NTN1: variants seen among roughly 807,000 people sequenced by gnomAD.
NTN1 encodes netrin 1.
NTN1 carries 11 observed loss-of-function variants against 54.2 expected under a neutral mutation model. That is an observed-to-expected ratio of 0.20 (90% CI 0.13 to 0.34). The LOEUF (loss-of-function observed/expected upper bound fraction) is 0.34, where lower values mean the gene tolerates loss of function less well. NTN1 is among the 10% of genes least tolerant of loss of function. NTN1 has a pLI of 1.00. For synonymous variants in NTN1, 371 were observed against 382.0 expected (o/e 0.97, Z 0.33); for missense variants, 740 against 893.1 (o/e 0.83, Z 2.18).
intron 2 of NTN1, among the ~76,000 whole-genome samples, chr17:9,129,901 G>C (rs577245423): frequency 7.2e-5 from 11 of 152,336 alleles, no homozygotes; most frequent in South Asian, 6.2e-4. Context: ...CAGCCCAACA[G>C]AGTCTGAAAG....
chr17:9,196,334 A>G (rs1365677732), intron 5 of NTN1, among the ~76,000 whole-genome samples: 1 of 152,236 alleles, frequency 6.6e-6, no homozygotes, highest in African/African-American at 2.4e-5. Flanking sequence ...GGCAGTCGCC[A>G]GGCAGCCTTG....
chr17:9,091,220 A>G (rs1373193500), intron 2 of NTN1, among the ~76,000 whole-genome samples: 1 of 152,176 alleles, frequency 6.6e-6, no homozygotes, highest in Non-Finnish European at 1.5e-5. Flanking sequence ...AATTGTGGTA[A>G]AATATACATA....
intron 5 of NTN1, among the ~76,000 whole-genome samples, chr17:9,205,877 T>C (rs1280386461): frequency 6.6e-6 from 1 of 152,248 alleles, no homozygotes; most frequent in Non-Finnish European, 1.5e-5. Context: ...TGCCTCTTCC[T>C]ATGTGGCTGT....
chr17:9,106,602 T>C (rs180688286), intron 2 of NTN1, among the ~76,000 whole-genome samples: 1 of 151,746 alleles, frequency 6.6e-6, no homozygotes, highest in African/African-American at 2.4e-5. Flanking sequence ...CAACCTCCGC[T>C]TCCTGGGTTC....
intron 2 of NTN1, among the ~76,000 whole-genome samples, chr17:9,120,872 T>C (rs1201726762): frequency 6.6e-6 from 1 of 152,254 alleles, no homozygotes; most frequent in East Asian, 1.9e-4. Flanking sequence ...ATTTTCTTTT[T>C]GCTTAAAAAT....
chr17:9,217,210 C>G (rs1005969376), intron 5 of NTN1, among the ~76,000 whole-genome samples: 2 of 152,072 alleles, frequency 1.3e-5, no homozygotes, highest in African/African-American at 4.8e-5. Context: ...GTCCTCCTCC[C>G]TTTTTTCAGG....
chr17:9,047,862 T>G (rs1202607001), intron 2 of NTN1, among the ~76,000 whole-genome samples: 2 of 152,054 alleles, frequency 1.3e-5, no homozygotes, highest in East Asian at 3.9e-4. Context: ...GCCTGGCTAA[T>G]TTTTTGTATT....
intron 5 of NTN1, among the ~76,000 whole-genome samples, chr17:9,198,750 G>A (rs1904704298): frequency 1.3e-5 from 2 of 152,216 alleles, no homozygotes; most frequent in South Asian, 4.1e-4. Flanking sequence ...CACAGCCCAG[G>A]AGTTCAGGCT....
chr17:9,056,392 G>A (rs996022315), intron 2 of NTN1, among the ~76,000 whole-genome samples: 4 of 152,192 alleles, frequency 2.6e-5, no homozygotes, highest in African/African-American at 4.8e-5. Context: ...ATGGGGAGCC[G>A]CCATCTTGTG....
chr17:9,175,730 G>T (rs1360022350), intron 3 of NTN1: 2 of 152,240 alleles, frequency 1.3e-5, no homozygotes, highest in Non-Finnish European at 2.9e-5. Flanking sequence ...CCTGTCTCAT[G>T]ACCCAGAGCA....
At chr17:9,193,661 G>A (rs924614716) in intron 5 of NTN1, among the ~76,000 whole-genome samples, 9 of 152,154 alleles carry the variant, frequency 5.9e-5, no homozygotes, top group Non-Finnish European at 1.0e-4. Context: ...GGTGGCTCAC[G>A]CCTGTAATCC....
At chr17:9,124,004 T>C (rs1279784862) in intron 2 of NTN1, among the ~76,000 whole-genome samples, 1 of 152,230 alleles carries the variant, frequency 6.6e-6, no homozygotes, top group Non-Finnish European at 1.5e-5. Flanking sequence ...GAAGTGATGC[T>C]GTCTTCTGAA....
intron 2 of NTN1, among the ~76,000 whole-genome samples, chr17:9,070,445 T>C (rs12943163): frequency 0.11 from 17,338 of 152,176 alleles, 1,174 homozygotes; most frequent in South Asian, 0.21. Context: ...AAGAAGTGAC[T>C]GAGAGCAGTC....
At chr17:9,109,687 T>A (rs2092183379) in intron 2 of NTN1, among the ~76,000 whole-genome samples, 1 of 152,254 alleles carries the variant, frequency 6.6e-6, no homozygotes. Flanking sequence ...CTAGATATTG[T>A]CAAATTGCTT....
intron 3 of NTN1, chr17:9,175,098 G>A (rs1305631678): frequency 6.6e-6 from 1 of 152,258 alleles, no homozygotes; most frequent in African/African-American, 2.4e-5. Context: ...CTTCTGGAAA[G>A]CCTTAGTATG....
intron 6 of NTN1, among the ~76,000 whole-genome samples, chr17:9,222,120 G>T (rs1387487052): frequency 6.6e-6 from 1 of 152,234 alleles, no homozygotes; most frequent in Non-Finnish European, 1.5e-5. Flanking sequence ...CTGAATCCAG[G>T]CCTGGTTCTT....
intron 3 of NTN1, among the ~76,000 whole-genome samples, chr17:9,163,805 A>G (rs557988628): frequency 6.6e-6 from 1 of 152,308 alleles, no homozygotes; most frequent in Non-Finnish European, 1.5e-5. Context: ...CCACCCCACA[A>G]AATCTTTTGG....
chr17:9,222,610 G>T (rs1394965376), intron 6 of NTN1, among the ~76,000 whole-genome samples: 1 of 152,160 alleles, frequency 6.6e-6, no homozygotes, highest in Admixed American at 6.5e-5. Flanking sequence ...AGGAAACGGC[G>T]GTGGAAGAAG....
At chr17:9,206,545 C>T (rs1353350543) in intron 5 of NTN1, among the ~76,000 whole-genome samples, 1 of 152,122 alleles carries the variant, frequency 6.6e-6, no homozygotes, top group Non-Finnish European at 1.5e-5. Context: ...AGAAGTCCAC[C>T]CCAGCGTGCC....
Sources: gnomAD v4.1 joint callset for allele counts (sites outside exome capture counted in the v4.1 genomes callset) on GRCh38, gnomAD v4.1.1 for gene constraint, MANE v1.5 for transcripts, NCBI Gene and HGNC (gene_info 2026-07-23, HGNC 2026-07-21) for gene names.